Variants in COL5A1 observed in about 807,000 individuals in gnomAD.
The protein encoded by COL5A1 is collagen alpha-1(V) chain.
In COL5A1, 16 loss-of-function variants were observed where a neutral mutation model predicts 263.7. The ratio of observed to expected loss-of-function variants is 0.06; its 90% confidence interval spans 0.04 to 0.09. The LOEUF (loss-of-function observed/expected upper bound fraction) is 0.09, where lower values mean the gene tolerates loss of function less well. Ranked by LOEUF, COL5A1 falls within the 10% of genes least tolerant of loss-of-function variation. The pLI is 1.00. For synonymous variants in COL5A1, 1,012 were observed against 1,004.5 expected (o/e 1.01, Z -0.14); for missense variants, 2,036 against 2,540.5 (o/e 0.80, Z 4.27).
intron 4 of COL5A1, among the ~76,000 whole-genome samples, chr9:134,712,463 G>A (rs1288994329): frequency 2.1e-5 from 1 of 48,606 alleles, no homozygotes; most frequent in Non-Finnish European, 3.8e-5. Context: ...CCTCCTTCTT[G>A]TCCCCCTCCT....
At chr9:134,808,607 G>A (rs1383517443) in intron 42 of COL5A1, among the ~76,000 whole-genome samples, 1 of 151,986 alleles carries the variant, frequency 6.6e-6, no homozygotes, top group Non-Finnish European at 1.5e-5. Context: ...GTGCACATGC[G>A]AGTATGCTTG....
rs1422012959 is a variant in COL5A1 at position 134,820,173 on chromosome 9, G to A, written c.4504G>A (p.Asp1502Asn). ...TCCGGGTGAACAGGGTGAGAAGGGC[G>A]ACCGTGGTCTCCCTGGCCCCCAGGG... ...GPPGEQGEKGDRGLPGPQGSS... is the reference protein window; with the variant it reads ...GPPGEQGEKGNRGLPGPQGSS... The change falls in exon 58 of 66, where the codon GAC becomes AAC. Residue 1502 changes from aspartate to asparagine, a missense_variant. Around this residue, in one of 3 missense-constraint regions of COL5A1, gnomAD observed 1,078 missense variants for 1,521.4 expected, o/e 0.71. Transcript: ENST00000371817. 5 of 1,613,890 alleles carry A rather than the reference G, an allele frequency of 3.1e-6. No individual in the cohort carries two copies. Among genetic ancestry groups the A allele is most frequent in the Non-Finnish European group, 2.5e-6 (3 of 1,180,000 alleles).
At chr9:134,828,580 TACCAC>T (rs1839400997) in intron 63 of COL5A1, among the ~76,000 whole-genome samples, 3 of 15,704 alleles carry the variant, frequency 1.9e-4, no homozygotes, top group South Asian at 2.2e-3. Flanking sequence ...ACACCACATA[TACCAC>T]ACCACACATC....
chr9:134,676,177 C>T (rs747804891), intron 1 of COL5A1, among the ~76,000 whole-genome samples: 14 of 152,168 alleles, frequency 9.2e-5, no homozygotes, highest in Non-Finnish European at 1.8e-4. Flanking sequence ...AAACCTCAGC[C>T]CCTTTCCAGA....
chr9:134,697,545 G>A (rs965230528), intron 2 of COL5A1, among the ~76,000 whole-genome samples: 1 of 152,154 alleles, frequency 6.6e-6, no homozygotes, highest in African/African-American at 2.4e-5. Flanking sequence ...TTTGCAATGA[G>A]AGTGAGGGAG....
chr9:134,734,680 C>T (rs990592543), intron 9 of COL5A1, among the ~76,000 whole-genome samples: 2 of 152,254 alleles, frequency 1.3e-5, no homozygotes, highest in Non-Finnish European at 2.9e-5. Context: ...GGACAGGAAT[C>T]CACGGAACCG....
At chr9:134,735,793 A>G (rs187975773) in intron 9 of COL5A1, among the ~76,000 whole-genome samples, 18 of 152,334 alleles carry the variant, frequency 1.2e-4, no homozygotes, top group African/African-American at 4.3e-4. Flanking sequence ...GGCTGCTTGG[A>G]TGAGCTCTCT....
chr9:134,815,988 G>A lies in COL5A1; in HGVS notation c.4122G>A (p.Thr1374=), dbSNP rs3827848. The A allele has an allele frequency of 0.15, 244,960 of 1,613,610 alleles. 19,278 individuals carry two copies. The highest frequency in any genetic ancestry group is 0.16 in the Non-Finnish European group (186,076 of 1,179,698). Residue 1374 remains threonine, a splice_region_variant and synonymous_variant, in exon 52 of 66, where the codon ACG becomes ACA. Coordinates refer to ENST00000371817, the MANE Select transcript of COL5A1 (RefSeq NM_000093.5). The part of the protein sequence containing the change: ...DKGDDGEPGQ[T]GSPGPTGEPG... ...GAGATGATGGTGAACCCGGGCAGAC[G>A]GTGAGTCCACAATCTGGGCTGGCTT...
At position 134,784,798 on chromosome 9, in the gene COL5A1, C is replaced by A. The variant is rs7855838; in HGVS notation, c.2485-191C>A. Among the ~76,000 whole-genome samples the A allele has an allele frequency of 0.055, 8,382 of 152,322 alleles. 277 individuals are homozygous for A. The highest frequency in any genetic ancestry group is 0.12 in the East Asian group (613 of 5,186). The stretch of plus-strand genomic sequence containing the variant: ...CAGAGCCCGGGAGCCCGGGAATTCG[C>A]GGTACAATGCGCTCGCTTTGTCAGT... On this transcript the variant is annotated intron_variant, in intron 29 of 65. Transcript: ENST00000371817.
chr9:134,772,696 C>A (rs139949887), intron 25 of COL5A1, 94 bp from the exon 26 acceptor site: 3 of 1,288,624 alleles, frequency 2.3e-6, no homozygotes, highest in East Asian at 2.3e-5. Flanking sequence ...GGGAAATGGG[C>A]TCCATGATCA....
rs183628137 is a variant in COL5A1 at position 134,702,147 on chromosome 9, G to A, written c.654+814G>A. Among the ~76,000 whole-genome samples, 386 of 152,290 alleles carry A rather than the reference G, an allele frequency of 2.5e-3. 3 individuals are homozygous for A. The highest frequency in any genetic ancestry group is 8.7e-3 in the African/African-American group (361 of 41,546). ...CCTTCCCAAGGGCACTGCAGTGACC[G>A]TTGCCTCCGCGGCTTGGGTTAGGCG... On this transcript the variant is annotated intron_variant, in intron 4 of 65. Transcript: ENST00000371817.
intron 61 of COL5A1, 152 bp downstream of exon 61, chr9:134,823,621 A>G (rs1588596083): frequency 5.2e-6 from 4 of 770,118 alleles, no homozygotes; most frequent in South Asian, 3.4e-5. Flanking sequence ...AGCCGGGGAA[A>G]TGAGCCACAC....
At chr9:134,687,807 T>A (rs1037725403) in intron 1 of COL5A1, among the ~76,000 whole-genome samples, 1 of 152,150 alleles carries the variant, frequency 6.6e-6, no homozygotes, top group Non-Finnish European at 1.5e-5. Flanking sequence ...AGAGAGGGGC[T>A]CTTGTTTGTT....
In COL5A1 at chr9:134,820,481, C is replaced by A. The variant is rs4841935; in HGVS notation, c.4554+258C>A. 8.9e-4 allele frequency among the ~76,000 whole-genome samples: 136 copies of A among 152,134 alleles called. 3 individuals are homozygous for A. In the South Asian group the frequency reaches 0.026, roughly 29 times the overall value. ...TTCCTCCTCATGACCGTGGTGTCCC[C>A]CAGAGCTGGAGGGACTCGGAAGTCA... On this transcript the variant is annotated intron_variant, in intron 58 of 65. Coordinates refer to ENST00000371817, the MANE Select transcript of COL5A1 (RefSeq NM_000093.5).
In COL5A1 at chr9:134,677,895, C is replaced by T. The variant is rs139387865; in HGVS notation, c.110-13017C>T. 8.7e-4 allele frequency among the ~76,000 whole-genome samples: 133 copies of T among 152,342 alleles called. No homozygotes were observed. Among genetic ancestry groups the T allele is most frequent in the African/African-American group, 2.9e-3 (121 of 41,580 alleles). On this transcript the variant is annotated intron_variant, in intron 1 of 65. Coordinates refer to ENST00000371817, the MANE Select transcript of COL5A1 (RefSeq NM_000093.5). This position sits in a 1 kb window ranked among gnomAD's most constrained non-coding sequence, Gnocchi z 4.4. The stretch of plus-strand genomic sequence containing the variant: ...GTTCCACGGGAGGGGCATCTTCTGC[C>T]TGGCCCTTGTTCCACCGCTGGGGGT...
chr9:134,821,373 G>T lies in COL5A1; in HGVS notation c.4555-724G>T, dbSNP rs138499478. Among the ~76,000 whole-genome samples the T allele has an allele frequency of 1.1e-4, 16 of 152,270 alleles. No homozygotes were observed. Among genetic ancestry groups the T allele is most frequent in the Non-Finnish European group, 1.9e-4 (13 of 68,016 alleles). ...GAGCCACAGCCCAAGTTCCTGCAGG[G>T]ACAAGGTGAAGGGAGGGAAGCGCTC... On this transcript the variant is annotated intron_variant, in intron 58 of 65. Transcript: ENST00000371817. This position sits in a 1 kb window ranked among gnomAD's most constrained non-coding sequence, Gnocchi z 4.2.
In COL5A1 at chr9:134,761,970, G is replaced by A. The variant is rs375316077; in HGVS notation, c.1981G>A (p.Gly661Arg). Residue 661 changes from glycine (G) to arginine (R), a missense_variant, in exon 19 of 66, where the codon GGA becomes AGA. By Grantham distance (125) the Gly-to-Arg change is moderately radical. Around this residue, in one of 3 missense-constraint regions of COL5A1, gnomAD observed 1,078 missense variants for 1,521.4 expected, o/e 0.71. Transcript: ENST00000371817. Reference protein sequence around the residue: ...SGPPGPPGDDGERGDDGEVGP... With the variant: ...SGPPGPPGDDRERGDDGEVGP... Reference sequence around the variant, plus strand: ...CCCACCAGGACCTCCGGGAGACGATGGAGAAAGGGTAGGTATTCTGCCGTC... The same window carrying A: ...CCCACCAGGACCTCCGGGAGACGATAGAGAAAGGGTAGGTATTCTGCCGTC... 1 of 1,613,536 alleles carries A rather than the reference G, an allele frequency of 6.2e-7. No homozygotes were observed. The highest frequency in any genetic ancestry group is 8.5e-7 in the Non-Finnish European group (1 of 1,180,004).
intron 9 of COL5A1, among the ~76,000 whole-genome samples, chr9:134,736,317 A>G (rs2132651460): frequency 6.6e-6 from 1 of 152,386 alleles, no homozygotes; most frequent in African/African-American, 2.4e-5. Flanking sequence ...TAGAGGGACC[A>G]CATCTGGCGA....
In COL5A1 at chr9:134,795,328, C is replaced by T. The variant is rs75668257; in HGVS notation, c.2799+13C>T. 19 of 1,612,920 alleles carry T rather than the reference C, an allele frequency of 1.2e-5. No individual in the cohort carries two copies. Among genetic ancestry groups the T allele is most frequent in the Non-Finnish European group, 1.6e-5 (19 of 1,179,762 alleles). On this transcript the variant is annotated intron_variant, in intron 34 of 65. Transcript: ENST00000371817. The stretch of plus-strand genomic sequence containing the variant: ...GCCTGGCCCCAAGGTATGTTTTTGG[C>T]CTCCTGGGCGGTGGGCGGCGTGAAC...
Sources: gnomAD v4.1 joint callset for allele counts (sites outside exome capture counted in the v4.1 genomes callset) on GRCh38, gnomAD v4.1.1 for gene constraint, gnomAD v4.1.1 regional missense constraint, Gnocchi (gnomAD v3.1) non-coding constraint, MANE v1.5 for transcripts, NCBI Gene and HGNC (gene_info 2026-07-23, HGNC 2026-07-21) for gene names.